The following FAM117B variants were observed in gnomAD, a reference collection of about 807,000 sequenced individuals.
The protein encoded by FAM117B is protein FAM117B.
Under a neutral mutation model 52.8 loss-of-function variants are expected in FAM117B, and 22 were observed. The ratio of observed to expected loss-of-function variants is 0.42; its 90% CI spans 0.30 to 0.59. The LOEUF (loss-of-function observed/expected upper bound fraction) is 0.59. FAM117B is among the 20% of genes least tolerant of loss of function. FAM117B has a pLI of 0.22. For synonymous variants in FAM117B, 309 were observed against 324.1 expected, an observed-to-expected ratio of 0.95 and a Z score of 0.50; for missense variants, 678 against 802.6, an observed-to-expected ratio of 0.84 and a Z score of 1.88.
chr2:202,738,857 T>TATTATAA (rs1691480557), intron 4 of FAM117B, among the ~76,000 whole-genome samples: 1 of 152,190 alleles, frequency 6.6e-6, no homozygotes, highest in Admixed American at 6.5e-5. Context: ...AAGTGCTACT[T>TATTATAA]ACTCTATAAA....
intron 1 of FAM117B, among the ~76,000 whole-genome samples, chr2:202,682,715 A>G (rs1340729518): frequency 6.6e-6 from 1 of 152,262 alleles, no homozygotes; most frequent in East Asian, 1.9e-4. Context: ...TTCACTGACC[A>G]CAACAGAATT....
At chr2:202,683,499 C>G (rs1390078744) in intron 1 of FAM117B, among the ~76,000 whole-genome samples, 1 of 152,116 alleles carries the variant, frequency 6.6e-6, no homozygotes, top group Non-Finnish European at 1.5e-5. Flanking sequence ...GATGTTACTA[C>G]AGATCGTACA....
chr2:202,694,837 A>T (rs557372125), intron 1 of FAM117B, among the ~76,000 whole-genome samples: 3 of 152,306 alleles, frequency 2.0e-5, no homozygotes, highest in Admixed American at 2.0e-4. Context: ...CTCTGTGAAG[A>T]TTGAGGAATA....
intron 1 of FAM117B, among the ~76,000 whole-genome samples, chr2:202,672,686 A>G (rs1342113221): frequency 2.0e-5 from 3 of 152,210 alleles, no homozygotes; most frequent in Non-Finnish European, 2.9e-5. Flanking sequence ...AGTTTTGACA[A>G]CATTTGGTAT....
intron 2 of FAM117B, among the ~76,000 whole-genome samples, chr2:202,714,541 T>C (rs1208148349): frequency 6.8e-6 from 1 of 146,288 alleles, no homozygotes; most frequent in Non-Finnish European, 1.5e-5. Flanking sequence ...TTCTTTTTTT[T>C]TTTTTTTTTA....
chr2:202,668,796 G>C (rs1182127023), intron 1 of FAM117B, among the ~76,000 whole-genome samples: 1 of 152,052 alleles, frequency 6.6e-6, no homozygotes, highest in African/African-American at 2.4e-5. Context: ...TAAGGGCTGT[G>C]TTTATTTCCA....
chr2:202,690,640 A>T (rs1229079620), intron 1 of FAM117B, among the ~76,000 whole-genome samples: 2 of 152,214 alleles, frequency 1.3e-5, no homozygotes, highest in African/African-American at 4.8e-5. Context: ...GTAGAGACAA[A>T]CACCTAGAGG....
intron 2 of FAM117B, among the ~76,000 whole-genome samples, chr2:202,699,331 A>G (rs1345596240): frequency 1.3e-5 from 2 of 149,942 alleles, no homozygotes; most frequent in African/African-American, 2.5e-5. Flanking sequence ...GGAAGCTGAG[A>G]CAGGAGAATT....
At chr2:202,685,078 G>A (rs1690519598) in intron 1 of FAM117B, among the ~76,000 whole-genome samples, 1 of 152,058 alleles carries the variant, frequency 6.6e-6, no homozygotes, top group African/African-American at 2.4e-5. Flanking sequence ...TGCCTCCTGG[G>A]TTCAAGTGAT....
chr2:202,660,001 C>T (rs1293031058), intron 1 of FAM117B, among the ~76,000 whole-genome samples: 1 of 151,964 alleles, frequency 6.6e-6, no homozygotes, highest in East Asian at 1.9e-4. Context: ...TTTAGGCTTA[C>T]TGTTTCTTTC....
chr2:202,704,421 A>C (rs755127458), intron 2 of FAM117B, among the ~76,000 whole-genome samples: 1 of 152,178 alleles, frequency 6.6e-6, no homozygotes, highest in African/African-American at 2.4e-5. Flanking sequence ...GCTGAGACTG[A>C]TAAGTGATTT....
intron 1 of FAM117B, among the ~76,000 whole-genome samples, chr2:202,676,104 G>C (rs1690375195): frequency 6.6e-6 from 1 of 151,914 alleles, no homozygotes; most frequent in Non-Finnish European, 1.5e-5. Context: ...TTGTTCTGTT[G>C]GGGAAGCAAC....
At chr2:202,709,755 A>G (rs1298487569) in intron 2 of FAM117B, among the ~76,000 whole-genome samples, 3 of 151,952 alleles carry the variant, frequency 2.0e-5, no homozygotes, top group East Asian at 1.9e-4. Context: ...CCCTATGTTT[A>G]TTTCTAGGAG....
chr2:202,677,916 G>A (rs1233523188), intron 1 of FAM117B, among the ~76,000 whole-genome samples: 1 of 152,160 alleles, frequency 6.6e-6, no homozygotes. Context: ...TGTTTGTTGT[G>A]TTTAGCTGTT....
At chr2:202,660,330 G>T (rs995019848) in intron 1 of FAM117B, among the ~76,000 whole-genome samples, 1 of 152,016 alleles carries the variant, frequency 6.6e-6, no homozygotes, top group African/African-American at 2.4e-5. Flanking sequence ...CAGGCAATCA[G>T]ACTGGTTGGA....
chr2:202,766,033 T>A lies in FAM117B; in HGVS notation c.*269T>A. 2.4e-6 allele frequency: 1 copy of A among 409,124 alleles called. No individual in the cohort carries two copies. 25.3% of individuals were successfully genotyped at this position (409,124 alleles called of 1,614,324 possible). ...TTACCTTTGGAGAGACAATATCACG[T>A]TTTTGTTTTCGAATTAGACTTCTTT... is the stretch of plus-strand genomic sequence containing the variant. On this transcript the variant is annotated 3_prime_UTR_variant, in exon 8 of 8. Transcript: ENST00000392238.
intron 2 of FAM117B, among the ~76,000 whole-genome samples, chr2:202,709,121 C>A (rs887908690): frequency 6.6e-6 from 1 of 151,982 alleles, no homozygotes; most frequent in Non-Finnish European, 1.5e-5. Context: ...TTCTTACATA[C>A]CTCTTGGTCA....
intron 1 of FAM117B, among the ~76,000 whole-genome samples, chr2:202,671,447 A>G (rs1690297688): frequency 6.6e-6 from 1 of 152,204 alleles, no homozygotes; most frequent in African/African-American, 2.4e-5. Context: ...TCACTGGTTG[A>G]AGTTTCTGGG....
chr2:202,759,997 A>T (rs1006203152), intron 7 of FAM117B, among the ~76,000 whole-genome samples: 10 of 152,218 alleles, frequency 6.6e-5, no homozygotes, highest in African/African-American at 2.2e-4. Context: ...CACTGTGCCC[A>T]GCCTATTATC....
Sources: gnomAD v4.1 joint callset for allele counts (sites outside exome capture counted in the v4.1 genomes callset) on GRCh38, gnomAD v4.1.1 for gene constraint, MANE v1.5 for transcripts, NCBI Gene and HGNC (gene_info 2026-07-23, HGNC 2026-07-21) for gene names.